Variants in CHRM2 observed in about 807,000 individuals in gnomAD.
CHRM2 encodes the protein muscarinic acetylcholine receptor M2.
Under a neutral mutation model 25.0 loss-of-function variants are expected in CHRM2, and 8 were observed. The observed-to-expected ratio is 0.32, with a 90% CI of 0.19 to 0.58. CHRM2 has a LOEUF of 0.58. Ranked by LOEUF, CHRM2 falls within the 20% of genes least tolerant of loss-of-function variation. The probability of loss-of-function intolerance (pLI) is 0.88; values close to 1 mark genes in which losing one functional copy is unlikely to be tolerated. For synonymous variants in CHRM2, 202 were observed against 205.7 expected, an observed-to-expected ratio of 0.98 and a Z score of 0.15; for missense variants, 440 against 567.1, an observed-to-expected ratio of 0.78 and a Z score of 2.28.
At chr7:137,000,499 C>T (rs1803928989) in intron 3 of CHRM2, among the ~76,000 whole-genome samples, 1 of 130,908 alleles carries the variant, frequency 7.6e-6, no homozygotes, top group Non-Finnish European at 1.6e-5. Flanking sequence ...CGCGCCTAGT[C>T]TCATAATATA....
chr7:136,992,704 A>G (rs961388442), intron 3 of CHRM2, among the ~76,000 whole-genome samples: 2 of 152,200 alleles, frequency 1.3e-5, no homozygotes, highest in Admixed American at 1.3e-4. Flanking sequence ...AACTACCATC[A>G]GTAACAAGGA....
intron 3 of CHRM2, among the ~76,000 whole-genome samples, chr7:136,993,432 T>C (rs2131027573): frequency 6.6e-6 from 1 of 152,318 alleles, no homozygotes; most frequent in Non-Finnish European, 1.5e-5. Context: ...GGCCAATTGT[T>C]TTTAGATAAA....
At chr7:136,875,503 G>A (rs1035767228) in intron 2 of CHRM2, among the ~76,000 whole-genome samples, 1 of 151,908 alleles carries the variant, frequency 6.6e-6, no homozygotes, top group East Asian at 1.9e-4. Context: ...TTCCATCCGG[G>A]CATCTTTTCA....
chr7:136,961,122 T>TAAAAAAAAAA (rs965395941), intron 2 of CHRM2, among the ~76,000 whole-genome samples: 1 of 147,734 alleles, frequency 6.8e-6, no homozygotes, highest in African/African-American at 2.5e-5. Flanking sequence ...TAGACTTCAT[T>TAAAAAAAAAA]AAAAAAAAAA....
intron 2 of CHRM2, chr7:136,899,350 GA>G (rs1393421090): frequency 6.6e-6 from 1 of 152,036 alleles, no homozygotes; most frequent in East Asian, 1.9e-4. Context: ...GACCACAAGT[GA>G]ATGCTCATCC....
chr7:136,938,374 A>T, intron 2 of CHRM2: 2 of 1,588,562 alleles, frequency 1.3e-6, no homozygotes, highest in Non-Finnish European at 1.7e-6. Flanking sequence ...CTTGGTCTCC[A>T]GCATCTTGTT....
At chr7:137,011,235 G>A (rs1176994799) in intron 3 of CHRM2, among the ~76,000 whole-genome samples, 8 of 115,416 alleles carry the variant, frequency 6.9e-5, no homozygotes, top group African/African-American at 3.0e-4. Flanking sequence ...ATATATATAT[G>A]GATTTATTAG....
At chr7:136,907,308 T>G (rs374987882) in intron 2 of CHRM2, among the ~76,000 whole-genome samples, 10 of 151,900 alleles carry the variant, frequency 6.6e-5, no homozygotes, top group South Asian at 6.2e-4. Context: ...ACTTCAAGAC[T>G]GTAAGTGTGT....
chr7:136,919,539 C>G (rs1798307404), intron 2 of CHRM2, among the ~76,000 whole-genome samples: 1 of 152,048 alleles, frequency 6.6e-6, no homozygotes, highest in Non-Finnish European at 1.5e-5. Flanking sequence ...ACCTCTGTTA[C>G]CTATAGGATA....
At chr7:136,903,235 G>A in intron 2 of CHRM2, 1 of 534,296 alleles carries the variant, frequency 1.9e-6, no homozygotes, top group Non-Finnish European at 3.8e-6. Context: ...CAAGTTTAGA[G>A]ATGCACCAAC....
At chr7:136,993,519 G>T (rs1056908178) in intron 3 of CHRM2, among the ~76,000 whole-genome samples, 4 of 152,122 alleles carry the variant, frequency 2.6e-5, no homozygotes, top group Non-Finnish European at 4.4e-5. Flanking sequence ...ATGTTCACAC[G>T]TTCCCTTGAA....
rs949472858 is a variant in CHRM2, at chr7:137,017,704, A to G, written c.*1438A>G. The G allele has an allele frequency of 2.6e-5, 4 of 151,966 alleles. No individual in the cohort carries two copies. The highest frequency in any genetic ancestry group is 4.4e-5 in the Non-Finnish European group (3 of 67,912). 9.4% of individuals were successfully genotyped at this position (151,966 alleles called of 1,614,324 possible). Reference sequence around the variant, plus strand: ...CTTTGTGACAGAAATGTAGTGGCTAACTAAATAGAGGCCAAACGAGCTTAC... The same window carrying G: ...CTTTGTGACAGAAATGTAGTGGCTAGCTAAATAGAGGCCAAACGAGCTTAC... On this transcript the variant is annotated 3_prime_UTR_variant, in exon 4 of 4. Transcript: ENST00000680005.
At chr7:137,012,398 A>G (rs769026825) in intron 3 of CHRM2, among the ~76,000 whole-genome samples, 55 of 152,088 alleles carry the variant, frequency 3.6e-4, no homozygotes, top group Non-Finnish European at 4.3e-4. Context: ...GATTAAAATA[A>G]TTCAACTGAT....
chr7:136,936,370 C>T (rs1049417614), intron 2 of CHRM2, among the ~76,000 whole-genome samples: 2 of 152,068 alleles, frequency 1.3e-5, no homozygotes, highest in Admixed American at 6.5e-5. Context: ...CTCTGAATTT[C>T]CCAAATTCAG....
intron 2 of CHRM2, among the ~76,000 whole-genome samples, chr7:136,927,526 A>G (rs1798817057): frequency 6.6e-6 from 1 of 152,202 alleles, no homozygotes; most frequent in South Asian, 2.1e-4. Flanking sequence ...AACTGAAAAA[A>G]AAAGAAGAGA....
rs1805170943 is a variant in CHRM2, at chr7:137,016,079, T to C, written c.1214T>C (p.Val405Ala). The C allele has an allele frequency of 1.2e-6, 2 of 1,612,524 alleles. No homozygotes were observed. ...AFIITWAPYN[V>A]MVLINTFCAP... ...ATCATCACTTGGGCCCCATACAATG[T>C]CATGGTGCTCATTAACACCTTTTGT... Residue 405 changes from valine (V) to alanine (A), a missense_variant, in exon 4 of 4, where the codon GTC becomes GCC. This residue lies in a region of CHRM2 where 65 missense variants were observed against 108.9 expected (regional missense o/e 0.60). Transcript: ENST00000680005.
chr7:136,993,254 C>T (rs1176914905), intron 3 of CHRM2, among the ~76,000 whole-genome samples: 2 of 152,112 alleles, frequency 1.3e-5, no homozygotes, highest in Non-Finnish European at 2.9e-5. Flanking sequence ...ATATAACATG[C>T]TCTTGCTTCA....
At chr7:136,993,784 T>C (rs1803388576) in intron 3 of CHRM2, among the ~76,000 whole-genome samples, 1 of 151,904 alleles carries the variant, frequency 6.6e-6, no homozygotes, top group South Asian at 2.1e-4. Context: ...AGTGAAAAAG[T>C]AAAATGAGGA....
chr7:136,938,397 G>C, intron 2 of CHRM2: 6 of 1,575,436 alleles, frequency 3.8e-6, no homozygotes, highest in Non-Finnish European at 5.2e-6. Flanking sequence ...GCTGCTCCAG[G>C]AACCGTACCT....
Sources: allele counts gnomAD v4.1 joint callset (sites outside exome capture counted in the v4.1 genomes callset), GRCh38; gene constraint gnomAD v4.1.1; regional missense constraint gnomAD v4.1.1; transcripts MANE v1.5; gene names NCBI Gene and HGNC (gene_info 2026-07-23, HGNC 2026-07-21).